PLXNA4: variants seen among roughly 807,000 people sequenced by gnomAD.
PLXNA4 encodes plexin-A4.
Under a neutral mutation model 191.8 loss-of-function variants are expected in PLXNA4, and 44 were observed. The ratio of observed to expected loss-of-function variants is 0.23; its 90% CI spans 0.18 to 0.29. The LOEUF (loss-of-function observed/expected upper bound fraction) is 0.29, where lower values mean the gene tolerates loss of function less well. PLXNA4 is among the 10% of genes least tolerant of loss of function. PLXNA4 has a pLI of 1.00. For synonymous variants in PLXNA4, 1,082 were observed against 1,009.5 expected (o/e 1.07, Z -1.36); for missense variants, 1,800 against 2,488.8 (o/e 0.72, Z 5.89).
At chr7:132,455,165 G>C (rs1351739231) in intron 3 of PLXNA4, among the ~76,000 whole-genome samples, 2 of 152,196 alleles carry the variant, frequency 1.3e-5, no homozygotes, top group African/African-American at 4.8e-5. Flanking sequence ...GGTATCTGTG[G>C]TCATCACGGT....
At chr7:132,509,475 C>G (rs1008240213) in intron 1 of PLXNA4, among the ~76,000 whole-genome samples, 1 of 152,170 alleles carries the variant, frequency 6.6e-6, no homozygotes, top group Non-Finnish European at 1.5e-5. Context: ...ATTGGTAGAC[C>G]TCCGAAGTAC....
intron 8 of PLXNA4, among the ~76,000 whole-genome samples, chr7:132,225,620 C>CA (rs991607411): frequency 4.0e-5 from 6 of 151,288 alleles, no homozygotes; most frequent in Admixed American, 6.8e-5. Flanking sequence ...GAGTCCGCCC[C>CA]CCCCCACAGC....
chr7:132,516,431 T>A (rs973222983), intron 1 of PLXNA4, among the ~76,000 whole-genome samples: 2 of 152,152 alleles, frequency 1.3e-5, no homozygotes, highest in Non-Finnish European at 2.9e-5. Context: ...AGAACCACCA[T>A]CCTATGCAGC....
intron 2 of PLXNA4, 104 bp from the exon 3 acceptor site, chr7:132,489,578 C>T (rs1797700206): frequency 1.0e-6 from 1 of 1,001,716 alleles, no homozygotes; most frequent in Non-Finnish European, 1.4e-6. Context: ...AGAGATGAAA[C>T]ATCTGGTAAC....
At chr7:132,529,584 T>A (rs1312767612) in intron 1 of PLXNA4, among the ~76,000 whole-genome samples, 1 of 151,318 alleles carries the variant, frequency 6.6e-6, no homozygotes, top group Non-Finnish European at 1.5e-5. Flanking sequence ...CAATATTTTT[T>A]AAAAGCTTCC....
intron 4 of PLXNA4, among the ~76,000 whole-genome samples, chr7:132,285,681 G>A (rs1456134836): frequency 6.6e-6 from 1 of 152,210 alleles, no homozygotes; most frequent in East Asian, 1.9e-4. Context: ...ATAAATTAAT[G>A]TGCATCAATT....
chr7:132,569,953 C>A (rs1024990211), intron 1 of PLXNA4, among the ~76,000 whole-genome samples: 4 of 152,124 alleles, frequency 2.6e-5, no homozygotes, highest in Admixed American at 6.6e-5. Flanking sequence ...TAGAAGCCAC[C>A]CCTTTATTCA....
At chr7:132,539,607 T>C (rs2116493058) in intron 1 of PLXNA4, among the ~76,000 whole-genome samples, 1 of 152,322 alleles carries the variant, frequency 6.6e-6, no homozygotes, top group African/African-American at 2.4e-5. Context: ...TACACTTAAG[T>C]CTTTCCATCT....
At chr7:132,207,631 G>T (rs1198462289) in intron 10 of PLXNA4, among the ~76,000 whole-genome samples, 2 of 152,226 alleles carry the variant, frequency 1.3e-5, no homozygotes, top group African/African-American at 4.8e-5. Context: ...CCCCAACCCA[G>T]TGTCACTCCC....
intron 3 of PLXNA4, among the ~76,000 whole-genome samples, chr7:132,407,523 C>T (rs1038456506): frequency 1.4e-5 from 2 of 147,362 alleles, no homozygotes; most frequent in African/African-American, 4.9e-5. Flanking sequence ...CATGCACACA[C>T]ACTTGCACAC....
At chr7:132,233,727 CA>C (rs776249596) in intron 5 of PLXNA4, among the ~76,000 whole-genome samples, 1 of 152,218 alleles carries the variant, frequency 6.6e-6, no homozygotes, top group Non-Finnish European at 1.5e-5. Context: ...ATATAGCAAC[CA>C]AGGCAACCTG....
intron 4 of PLXNA4, among the ~76,000 whole-genome samples, chr7:132,249,052 G>A (rs555387046): frequency 5.9e-5 from 9 of 152,356 alleles, no homozygotes; most frequent in South Asian, 2.1e-4. Context: ...CAGGACCTCT[G>A]GGGTCAAGGT....
intron 1 of PLXNA4, among the ~76,000 whole-genome samples, chr7:132,542,390 C>T (rs1219552624): frequency 1.3e-5 from 2 of 152,160 alleles, no homozygotes; most frequent in East Asian, 3.8e-4. Flanking sequence ...GGCCAAGGTA[C>T]AGATGCAAGA....
intron 9 of PLXNA4, among the ~76,000 whole-genome samples, chr7:132,222,657 A>C (rs1202432739): frequency 1.3e-5 from 2 of 152,194 alleles, no homozygotes; most frequent in Admixed American, 1.3e-4. Context: ...TGGCTGAGAG[A>C]GTGCAAGAAA....
rs139813779 is a variant in PLXNA4 at position 132,625,254 on chromosome 7, T to C, written c.-87+20674A>G. Reference sequence around the variant, plus strand: ...GGTTGAGAGTCATGCAACCACATGATGAAAGCCCCTCCAGCCCAGCACAGT... The same window carrying C: ...GGTTGAGAGTCATGCAACCACATGACGAAAGCCCCTCCAGCCCAGCACAGT... On this transcript the variant is annotated intron_variant, in intron 2 of 4. Coordinates refer to the PLXNA4 transcript ENST00000378539. 5.1e-3 allele frequency among the ~76,000 whole-genome samples: 769 copies of C among 152,148 alleles called. 2 individuals carry two copies. Among genetic ancestry groups the C allele is most frequent in the Admixed American group, 7.5e-3 (115 of 15,278 alleles).
chr7:132,507,606 A>G lies in PLXNA4; in HGVS notation c.1088T>C (p.Ile363Thr). ...CAGCCGCTCCTTAATGCGGTCATTTATCTGCTTCAAGATGAAGATGCACAG... is the reference window on the plus strand; with the variant it reads ...CAGCCGCTCCTTAATGCGGTCATTTGTCTGCTTCAAGATGAAGATGCACAG... Reference protein sequence around the residue: ...SALCIFILKQINDRIKERLQS... With the variant: ...SALCIFILKQTNDRIKERLQS... The change falls in exon 2 of 32, where the codon ATA (isoleucine) becomes ACA (threonine). Residue 363 changes from isoleucine to threonine, a missense_variant. Ile to Thr is a moderately conservative substitution (Grantham distance 89). This residue lies in a region of PLXNA4 where 1,397 missense variants were observed against 1,880.4 expected (regional missense o/e 0.74). Coordinates refer to ENST00000321063, the MANE Select transcript of PLXNA4 (RefSeq NM_020911.2). 1 of 1,614,158 alleles carries G rather than the reference A, an allele frequency of 6.2e-7. No individual in the cohort carries two copies. The highest frequency in any genetic ancestry group is 8.5e-7 in the Non-Finnish European group (1 of 1,180,024).
At chr7:132,375,327 A>G (rs745630193) in intron 3 of PLXNA4, among the ~76,000 whole-genome samples, 30 of 149,096 alleles carry the variant, frequency 2.0e-4, no homozygotes, top group Non-Finnish European at 3.3e-4. Context: ...GGACAACATC[A>G]TTAAATTCAC....
Position 132,128,160 on chromosome 7 carries a change from A to G in PLXNA4, c.*2319T>C, listed in dbSNP as rs1007368045. On this transcript the variant is annotated 3_prime_UTR_variant, in exon 32 of 32. Transcript: ENST00000321063. ...GGTACTTCCTCAGACCGTCTCCCACATGTACCCTTTCTGGCCTTCCAGGTC... is the reference window on the plus strand; with the variant it reads ...GGTACTTCCTCAGACCGTCTCCCACGTGTACCCTTTCTGGCCTTCCAGGTC... 6.6e-6 allele frequency: 1 copy of G among 152,168 alleles called. No homozygotes were observed. Among genetic ancestry groups the G allele is most frequent in the African/African-American group, 2.4e-5 (1 of 41,430 alleles). The allele number at this position is 152,168 out of a possible 1,614,324, so 9.4% of individuals were successfully genotyped here. A position where few individuals can be genotyped will look rare whatever the true frequency, so the allele number is the denominator to read the frequency against.
chr7:132,207,408 C>T (rs1408970631), intron 10 of PLXNA4, among the ~76,000 whole-genome samples: 1 of 152,258 alleles, frequency 6.6e-6, no homozygotes, highest in Non-Finnish European at 1.5e-5. Context: ...GCATGATTGG[C>T]AGCCTCCGAG....
Sources: gnomAD v4.1 joint callset for allele counts (sites outside exome capture counted in the v4.1 genomes callset) on GRCh38, gnomAD v4.1.1 for gene constraint, gnomAD v4.1.1 regional missense constraint, MANE v1.5 for transcripts, NCBI Gene and HGNC (gene_info 2026-07-23, HGNC 2026-07-21) for gene names.